The following CHN2 variants were observed in gnomAD, a reference collection of about 807,000 sequenced individuals.
The protein encoded by CHN2 is beta-chimaerin.
Under a neutral mutation model 56.3 loss-of-function variants are expected in CHN2, and 35 were observed. The ratio of observed to expected loss-of-function variants is 0.62; its 90% CI spans 0.47 to 0.82. The LOEUF is 0.82. Ranked by LOEUF, CHN2 falls within the 40% of genes least tolerant of loss-of-function variation. The pLI, the probability that CHN2 is intolerant of heterozygous loss-of-function variation, is 0.00. For missense variants in CHN2, 491 were observed against 580.5 expected, an observed-to-expected ratio of 0.85 and a Z score of 1.58; for synonymous variants, 210 against 212.8, an observed-to-expected ratio of 0.99 and a Z score of 0.12.
intron 1 of CHN2, among the ~76,000 whole-genome samples, chr7:29,224,234 C>T (rs1283369323): frequency 1.3e-5 from 2 of 152,030 alleles, no homozygotes; most frequent in Non-Finnish European, 2.9e-5. Flanking sequence ...TTCCTTTTTC[C>T]TCCAGAAATG....
chr7:29,195,655 A>T (rs1171206491), intron 1 of CHN2, among the ~76,000 whole-genome samples: 7 of 138,480 alleles, frequency 5.1e-5, no homozygotes, highest in Admixed American at 3.7e-4. Flanking sequence ...TGTGTGAGAG[A>T]GAGAGAGAGA....
chr7:29,432,956 C>T (rs1279268870), intron 6 of CHN2, among the ~76,000 whole-genome samples: 1 of 152,188 alleles, frequency 6.6e-6, no homozygotes, highest in African/African-American at 2.4e-5. Flanking sequence ...TTGGCGACAG[C>T]TCTGTAACTC....
chr7:29,237,885 C>A (rs1584825141), intron 1 of CHN2, among the ~76,000 whole-genome samples: 1 of 152,108 alleles, frequency 6.6e-6, no homozygotes, highest in East Asian at 1.9e-4. Context: ...TCCGAGGGGC[C>A]AGGAAGTTTA....
chr7:29,400,245 A>G, intron 5 of CHN2: 1 of 422,418 alleles, frequency 2.4e-6, no homozygotes, highest in Non-Finnish European at 4.5e-6. Flanking sequence ...TTCTAGGATC[A>G]AACGACTCCA....
intron 2 of CHN2, among the ~76,000 whole-genome samples, chr7:29,155,998 C>G (rs1794320247): frequency 6.6e-6 from 1 of 152,212 alleles, no homozygotes; most frequent in African/African-American, 2.4e-5. Flanking sequence ...AGTGAGAAAA[C>G]TTACTTTTAC....
chr7:29,255,340 G>T (rs972123413), intron 1 of CHN2, among the ~76,000 whole-genome samples: 8 of 152,292 alleles, frequency 5.3e-5, no homozygotes, highest in African/African-American at 1.9e-4. Context: ...ACAAAGGCAG[G>T]GCTCCTGTGG....
intron 1 of CHN2, among the ~76,000 whole-genome samples, chr7:29,219,478 G>T (rs1785604719): frequency 6.6e-6 from 1 of 152,082 alleles, no homozygotes; most frequent in Non-Finnish European, 1.5e-5. Context: ...AAGATGGTAG[G>T]CTTATAAGAA....
At chr7:29,260,155 T>G (rs245981) in intron 1 of CHN2, among the ~76,000 whole-genome samples, 8,317 of 152,038 alleles carry the variant, frequency 0.055, 420 homozygotes, top group African/African-American at 0.14. Context: ...TTTTTGTATT[T>G]TTGTAGAGAC....
chr7:29,229,537 C>T (rs900970719), intron 1 of CHN2, among the ~76,000 whole-genome samples: 2 of 152,154 alleles, frequency 1.3e-5, no homozygotes, highest in African/African-American at 4.8e-5. Flanking sequence ...CAGTAGTATA[C>T]TGGTATTTTT....
chr7:29,151,946 A>G (rs1793652891), intron 2 of CHN2, among the ~76,000 whole-genome samples: 1 of 152,190 alleles, frequency 6.6e-6, no homozygotes, highest in Admixed American at 6.5e-5. Context: ...ATAGTAAACA[A>G]ACTCCCTTAG....
intron 2 of CHN2, among the ~76,000 whole-genome samples, chr7:29,151,712 T>A (rs542769022): frequency 6.6e-6 from 1 of 152,314 alleles, no homozygotes; most frequent in South Asian, 2.1e-4. Flanking sequence ...ACCGATGGCA[T>A]CTGAATCCCA....
chr7:29,174,139 C>G (rs35313957), intron 2 of CHN2, among the ~76,000 whole-genome samples: 18,086 of 151,866 alleles, frequency 0.12, 1,257 homozygotes, highest in African/African-American at 0.18. Context: ...GAGACCCCCC[C>G]GTTTGGTGGC....
In CHN2 at chr7:29,512,936, C is replaced by T; in HGVS notation, c.*201C>T. 2 of 497,076 alleles carry T rather than the reference C, an allele frequency of 4.0e-6. No individual in the cohort carries two copies. The highest frequency in any genetic ancestry group is 3.5e-6 in the Non-Finnish European group (1 of 287,564). The allele number at this position is 497,076 out of a possible 1,614,324, so 30.8% of individuals were successfully genotyped here. ...AGAACAAGGGTGAAGGTGAGGGAAG[C>T]CCCTCACCTTGGGTCTTTTGCTGTG... On this transcript the variant is annotated 3_prime_UTR_variant, in exon 13 of 13. Transcript: ENST00000222792.
intron 2 of CHN2, among the ~76,000 whole-genome samples, chr7:29,162,090 A>T (rs934962843): frequency 6.6e-6 from 1 of 152,232 alleles, no homozygotes; most frequent in Non-Finnish European, 1.5e-5. Context: ...GTTAAACAGT[A>T]CAGCCACTCT....
At chr7:29,158,216 A>G (rs1356811219) in intron 2 of CHN2, among the ~76,000 whole-genome samples, 3 of 152,234 alleles carry the variant, frequency 2.0e-5, no homozygotes, top group Non-Finnish European at 2.9e-5. Context: ...AATGTCTACA[A>G]TCAAGGACTA....
chr7:29,427,366 T>G (rs79484967), intron 6 of CHN2, among the ~76,000 whole-genome samples: 1,759 of 152,282 alleles, frequency 0.012, 17 homozygotes, highest in Non-Finnish European at 0.019. Flanking sequence ...ATCACATCCC[T>G]GTCTTTAGGT....
chr7:29,277,080 G>A (rs1791289086), intron 1 of CHN2, among the ~76,000 whole-genome samples: 1 of 152,144 alleles, frequency 6.6e-6, no homozygotes, highest in Non-Finnish European at 1.5e-5. Flanking sequence ...CATTTAAGGG[G>A]ACACTCGTCT....
chr7:29,239,936 T>TA (rs1029202883), intron 1 of CHN2, among the ~76,000 whole-genome samples: 57 of 152,298 alleles, frequency 3.7e-4, no homozygotes, highest in African/African-American at 1.1e-3. Flanking sequence ...TAGATTTTTT[T>TA]AAAAAAATGC....
intron 1 of CHN2, among the ~76,000 whole-genome samples, chr7:29,269,301 T>C (rs1562878809): frequency 6.6e-6 from 1 of 152,210 alleles, no homozygotes; most frequent in Non-Finnish European, 1.5e-5. Context: ...GAACATGCAG[T>C]ATTTGTCTTT....
Sources: gnomAD v4.1 joint callset for allele counts (sites outside exome capture counted in the v4.1 genomes callset) on GRCh38, gnomAD v4.1.1 for gene constraint, MANE v1.5 for transcripts, NCBI Gene and HGNC (gene_info 2026-07-23, HGNC 2026-07-21) for gene names.